SLC7A8: variants seen among roughly 807,000 people sequenced by gnomAD.
SLC7A8 encodes large neutral amino acids transporter small subunit 2.
SLC7A8 carries 30 observed loss-of-function variants against 51.2 expected under a neutral mutation model. That is an observed-to-expected ratio of 0.59 (90% confidence interval 0.44 to 0.80). The LOEUF (loss-of-function observed/expected upper bound fraction) is 0.80, where lower values mean the gene tolerates loss of function less well. Among genes scored for constraint, SLC7A8 ranks in the 30% least tolerant of loss-of-function variants. SLC7A8 has a pLI of 0.00. For synonymous variants in SLC7A8, 257 were observed against 275.8 expected, an observed-to-expected ratio of 0.93 and a Z score of 0.67; for missense variants, 612 against 674.4, an observed-to-expected ratio of 0.91 and a Z score of 1.03.
At chr14:23,144,735 C>CA (rs1382481671) in intron 3 of SLC7A8, among the ~76,000 whole-genome samples, 3 of 152,122 alleles carry the variant, frequency 2.0e-5, no homozygotes, top group Non-Finnish European at 4.4e-5. Context: ...TCTCCTCTTT[C>CA]AAGATCCAGC....
rs1221807492 is a variant in SLC7A8 at position 23,182,757 on chromosome 14, A to T, written c.151+7T>A. 6.4e-7 allele frequency: 1 copy of T among 1,553,668 alleles called. No homozygotes were observed. The highest frequency in any genetic ancestry group is 1.2e-5 in the South Asian group (1 of 80,618). On this transcript the variant is annotated splice_region_variant and intron_variant, in intron 1 of 10. Transcript: ENST00000316902. ...AGGAGGGGTCCGCGGGAAGGAATGGAACTCACCTACGATGATACCACAGGC... is the reference window on the plus strand; with the variant it reads ...AGGAGGGGTCCGCGGGAAGGAATGGTACTCACCTACGATGATACCACAGGC...
intron 3 of SLC7A8, among the ~76,000 whole-genome samples, chr14:23,154,943 T>G (rs2048879111): frequency 1.5e-5 from 2 of 129,350 alleles, no homozygotes; most frequent in Non-Finnish European, 3.1e-5. Context: ...ATAACTTGAC[T>G]GGTGAAAGAG....
At chr14:23,155,033 T>C in intron 3 of SLC7A8, 1 of 508,438 alleles carries the variant, frequency 2.0e-6, no homozygotes, top group Non-Finnish European at 3.2e-6. Flanking sequence ...AAGCAGCCCT[T>C]CCTCATAAAC....
At chr14:23,141,268 G>A (rs1277986934) in intron 4 of SLC7A8, among the ~76,000 whole-genome samples, 1 of 152,094 alleles carries the variant, frequency 6.6e-6, no homozygotes, top group African/African-American at 2.4e-5. Flanking sequence ...GTGGATGACA[G>A]AGCAAGACCC....
Position 23,166,592 on chromosome 14 carries a change from G to C in SLC7A8, c.152-52C>G, listed in dbSNP as rs1373500771. 3 of 1,588,034 alleles carry C rather than the reference G, an allele frequency of 1.9e-6. No homozygotes were observed. The South Asian group carries it at 3.3e-5, about 18-fold the overall frequency. On this transcript the variant is annotated intron_variant, in intron 1 of 10. Coordinates refer to ENST00000316902, the MANE Select transcript of SLC7A8 (RefSeq NM_012244.4). The stretch of plus-strand genomic sequence containing the variant: ...GGGAGACAGTAGAGACAGGACGGTT[G>C]GCAGGATTGGCATTTGGAGGGTGGT...
At chr14:23,147,285 G>A (rs2048805614) in intron 3 of SLC7A8, among the ~76,000 whole-genome samples, 6 of 152,146 alleles carry the variant, frequency 3.9e-5, no homozygotes. Flanking sequence ...GGGCCTACAT[G>A]TACTAGGCAT....
chr14:23,165,335 G>A lies in SLC7A8; in HGVS notation c.458C>T (p.Thr153Ile). The A allele has an allele frequency of 6.2e-7, 1 of 1,606,612 alleles. No individual in the cohort carries two copies. Among genetic ancestry groups the A allele is most frequent in the Non-Finnish European group, 8.5e-7 (1 of 1,177,190 alleles). Residue 153 changes from threonine to isoleucine, a missense_variant, in exon 3 of 11, where the codon ACC becomes ATC. Thr to Ile is a moderately conservative substitution (Grantham distance 89). Coordinates refer to ENST00000316902, the MANE Select transcript of SLC7A8 (RefSeq NM_012244.4). The surrounding 1 kb of genome is among the most constrained non-coding windows in gnomAD (Gnocchi z 4.2). ...SNYVLQPLFPTCFPPESGLRL... is the reference protein window; with the variant it reads ...SNYVLQPLFPICFPPESGLRL... ...AAGGCCAGACTCTGGGGGGAAGCAGGTGGGGAAGAGCGGCTGCAGCACGTA... is the reference window on the plus strand; with the variant it reads ...AAGGCCAGACTCTGGGGGGAAGCAGATGGGGAAGAGCGGCTGCAGCACGTA...
At chr14:23,180,548 A>C (rs1167181576) in intron 1 of SLC7A8, among the ~76,000 whole-genome samples, 1 of 152,166 alleles carries the variant, frequency 6.6e-6, no homozygotes, top group African/African-American at 2.4e-5. Context: ...CTGAAATCAC[A>C]TATTTGGAAT....
At chr14:23,175,121 C>T (rs1021936796) in intron 1 of SLC7A8, among the ~76,000 whole-genome samples, 2 of 152,168 alleles carry the variant, frequency 1.3e-5, no homozygotes, top group Non-Finnish European at 2.9e-5. Context: ...ACACCTCTAC[C>T]CCACTTCAAT....
chr14:23,131,770 T>A (rs1308103521), intron 7 of SLC7A8, among the ~76,000 whole-genome samples: 2 of 152,226 alleles, frequency 1.3e-5, no homozygotes, highest in Non-Finnish European at 1.5e-5. Context: ...GAAAAGTGGA[T>A]GAACCCTGGG....
At position 23,127,291 on chromosome 14, in the gene SLC7A8, C is replaced by T. The variant is rs1232986999; in HGVS notation, c.1494G>A (p.Val498=). The T allele has an allele frequency of 6.2e-7, 1 of 1,614,010 alleles. No homozygotes were observed. The highest frequency in any genetic ancestry group is 8.5e-7 in the Non-Finnish European group (1 of 1,179,998). Reference sequence around the variant, plus strand: ...CCTCCTCTGTCCCTGAGCCCCGCTCCACCTCGGGGTACACGACCACACACA... The same window carrying T: ...CCTCCTCTGTCCCTGAGCCCCGCTCTACCTCGGGGTACACGACCACACACA... The part of the protein sequence containing the change: ...QKMCVVVYPE[V]ERGSGTEEAN... The change falls in exon 11 of 11, where the codon GTG becomes GTA. Residue 498 remains valine (V), a synonymous_variant. Coordinates refer to ENST00000316902, the MANE Select transcript of SLC7A8 (RefSeq NM_012244.4).
At chr14:23,176,370 C>G (rs1594842223) in intron 1 of SLC7A8, among the ~76,000 whole-genome samples, 1 of 152,258 alleles carries the variant, frequency 6.6e-6, no homozygotes, top group East Asian at 1.9e-4. Flanking sequence ...TTTCTGGACT[C>G]CAGTCTCAGG....
chr14:23,170,930 T>G (rs548633759), intron 1 of SLC7A8, among the ~76,000 whole-genome samples: 1 of 152,312 alleles, frequency 6.6e-6, no homozygotes, highest in African/African-American at 2.4e-5. Flanking sequence ...GGTCTCACTA[T>G]GTTGCCCAGG....
chr14:23,126,936 T>C lies in SLC7A8; in HGVS notation c.*241A>G. The C allele has an allele frequency of 1.8e-6, 1 of 542,412 alleles. No individual in the cohort carries two copies. The highest frequency in any genetic ancestry group is 3.3e-6 in the Non-Finnish European group (1 of 304,548). 33.6% of individuals were successfully genotyped at this position (542,412 alleles called of 1,614,324 possible). A position where few individuals can be genotyped will look rare whatever the true frequency, so the allele number is the denominator to read the frequency against. ...GGCATCTCCCCTCTCCTCCAGCAGC[T>C]GGGAGTGTGGGCAGCACTGGAGTGG... On this transcript the variant is annotated 3_prime_UTR_variant, in exon 11 of 11. Transcript: ENST00000316902.
intron 3 of SLC7A8, among the ~76,000 whole-genome samples, chr14:23,160,368 G>A (rs1381495690): frequency 6.6e-6 from 1 of 152,086 alleles, no homozygotes; most frequent in African/African-American, 2.4e-5. Flanking sequence ...TCAGGAGATC[G>A]AGACCATTCT....
chr14:23,133,964 A>T (rs1056439437), intron 7 of SLC7A8, among the ~76,000 whole-genome samples: 3 of 151,950 alleles, frequency 2.0e-5, no homozygotes, highest in Non-Finnish European at 4.4e-5. Context: ...TTTTTGAGAC[A>T]TGGTCTTGCT....
intron 3 of SLC7A8, chr14:23,155,469 G>T: frequency 7.0e-7 from 1 of 1,418,518 alleles, no homozygotes; most frequent in Non-Finnish European, 9.2e-7. Flanking sequence ...CCAGTATTTA[G>T]CTCAGCCAAG....
intron 1 of SLC7A8, among the ~76,000 whole-genome samples, chr14:23,177,273 T>C (rs1401459269): frequency 2.6e-5 from 4 of 152,246 alleles, no homozygotes; most frequent in African/African-American, 4.8e-5. Context: ...GATGTGTAAA[T>C]AGACTGTAAC....
intron 5 of SLC7A8, among the ~76,000 whole-genome samples, chr14:23,139,837 T>C (rs1257444747): frequency 6.6e-6 from 1 of 152,106 alleles, no homozygotes; most frequent in Non-Finnish European, 1.5e-5. Flanking sequence ...TAGCAAGGCC[T>C]CTTCTTTACA....
Sources: gnomAD v4.1 joint callset for allele counts (sites outside exome capture counted in the v4.1 genomes callset) on GRCh38, gnomAD v4.1.1 for gene constraint, Gnocchi (gnomAD v3.1) non-coding constraint, MANE v1.5 for transcripts, NCBI Gene and HGNC (gene_info 2026-07-23, HGNC 2026-07-21) for gene names.